The following ADAM22 variants were observed in gnomAD, a reference collection of about 807,000 sequenced individuals.
The protein encoded by ADAM22 is disintegrin and metalloproteinase domain-containing protein 22.
A neutral mutation model predicts 144.6 loss-of-function variants in ADAM22; 65 were observed. The observed-to-expected ratio is 0.45, with a 90% CI of 0.37 to 0.55. The LOEUF is 0.55. Ranked by LOEUF, ADAM22 falls within the 20% of genes least tolerant of loss-of-function variation. The pLI is 0.00. For missense variants in ADAM22, 974 were observed against 1,184.9 expected (o/e 0.82, Z 2.61); for synonymous variants, 391 against 412.6 (o/e 0.95, Z 0.63).
At chr7:87,997,185 A>G (rs1489555295) in intron 3 of ADAM22, among the ~76,000 whole-genome samples, 1 of 152,228 alleles carries the variant, frequency 6.6e-6, no homozygotes, top group African/African-American at 2.4e-5. Flanking sequence ...ATGTTTATTA[A>G]CTTGGTAAAC....
chr7:87,964,431 G>A (rs1308434530), intron 2 of ADAM22, among the ~76,000 whole-genome samples: 1 of 152,132 alleles, frequency 6.6e-6, no homozygotes, highest in Non-Finnish European at 1.5e-5. Context: ...TTAATGCTAA[G>A]GATTAGGTGA....
intron 2 of ADAM22, among the ~76,000 whole-genome samples, chr7:87,958,569 A>T (rs1245879223): frequency 1.3e-5 from 2 of 151,950 alleles, no homozygotes; most frequent in Non-Finnish European, 2.9e-5. Context: ...TATTTTTAGT[A>T]GAGATGGGGT....
In ADAM22 at chr7:88,189,283, A is replaced by T. The variant is rs74537659; in HGVS notation, c.2750+2582A>T. Among the ~76,000 whole-genome samples the T allele has an allele frequency of 2.8e-3, 426 of 152,306 alleles. 5 individuals carry two copies. The highest frequency in any genetic ancestry group is 9.6e-3 in the African/African-American group (401 of 41,572). ...GTTCTGTTATAAGCTCTCAGAAGGTAGCCTTACTCTCGGGTATTATCCCAT... is the reference window on the plus strand; with the variant it reads ...GTTCTGTTATAAGCTCTCAGAAGGTTGCCTTACTCTCGGGTATTATCCCAT... On this transcript the variant is annotated intron_variant, in intron 30 of 31. Transcript: ENST00000413139.
chr7:88,094,305 T>C (rs2129485482), intron 4 of ADAM22, among the ~76,000 whole-genome samples: 1 of 152,282 alleles, frequency 6.6e-6, no homozygotes, highest in Non-Finnish European at 1.5e-5. Flanking sequence ...GGAAATGATA[T>C]TATTTCCAAA....
At chr7:88,022,172 A>G (rs1430664864) in intron 3 of ADAM22, among the ~76,000 whole-genome samples, 3 of 152,080 alleles carry the variant, frequency 2.0e-5, no homozygotes, top group Admixed American at 6.6e-5. Context: ...CTAGGATTAC[A>G]GGCATGAACC....
intron 7 of ADAM22, among the ~76,000 whole-genome samples, chr7:88,120,219 G>T (rs1055570024): frequency 6.6e-6 from 1 of 151,840 alleles, no homozygotes. Flanking sequence ...GGGTACATGT[G>T]TACAACGTGC....
chr7:88,168,077 T>C, intron 24 of ADAM22, 60 bp from the exon 25 acceptor site: 6 of 1,437,030 alleles, frequency 4.2e-6, no homozygotes, highest in Non-Finnish European at 4.8e-6. Context: ...AACTGAACAA[T>C]AAAGTTTCTG....
intron 3 of ADAM22, among the ~76,000 whole-genome samples, chr7:88,068,030 A>G (rs1421034203): frequency 1.3e-5 from 2 of 152,194 alleles, no homozygotes; most frequent in African/African-American, 4.8e-5. Context: ...AATACCACTC[A>G]TTACATGCTG....
chr7:88,111,986 A>C (rs910345814), intron 5 of ADAM22, among the ~76,000 whole-genome samples: 4 of 152,220 alleles, frequency 2.6e-5, no homozygotes, highest in African/African-American at 9.6e-5. Context: ...TACTATTTTA[A>C]GAAAATAATC....
At chr7:88,126,784 A>C (rs1251720707) in intron 8 of ADAM22, among the ~76,000 whole-genome samples, 1 of 151,990 alleles carries the variant, frequency 6.6e-6, no homozygotes, top group Non-Finnish European at 1.5e-5. Context: ...TGGTGCTCAA[A>C]AAGTTTTTCA....
At chr7:88,078,894 G>A (rs1815560156) in intron 4 of ADAM22, among the ~76,000 whole-genome samples, 1 of 152,208 alleles carries the variant, frequency 6.6e-6, no homozygotes, top group Admixed American at 6.5e-5. Flanking sequence ...AAGTGACGGG[G>A]AGAATGGAAC....
chr7:88,076,106 C>T (rs1014504670), intron 4 of ADAM22, among the ~76,000 whole-genome samples: 42 of 152,168 alleles, frequency 2.8e-4, no homozygotes, highest in African/African-American at 8.7e-4. Context: ...AGCGCGATCT[C>T]GGCTCACTGC....
intron 3 of ADAM22, among the ~76,000 whole-genome samples, chr7:88,041,378 G>A (rs1803090301): frequency 6.6e-6 from 1 of 151,810 alleles, no homozygotes; most frequent in African/African-American, 2.4e-5. Flanking sequence ...TGGTGCCAAT[G>A]GAATGCTAGC....
At chr7:88,162,944 T>C (rs556904539) in intron 22 of ADAM22, 68 bp from the exon 23 acceptor site, 26 of 1,569,524 alleles carry the variant, frequency 1.7e-5, no homozygotes, top group Non-Finnish European at 2.2e-5. Context: ...TGCTTTTAAG[T>C]TTTTGAGCAT....
chr7:88,013,818 A>G (rs1164403376), intron 3 of ADAM22, among the ~76,000 whole-genome samples: 1 of 152,190 alleles, frequency 6.6e-6, no homozygotes, highest in Non-Finnish European at 1.5e-5. Flanking sequence ...TCCCACACTC[A>G]TGTTTCAACT....
rs949704611 is a variant in ADAM22, at chr7:88,197,568, G to C, written c.*1077G>C. ...AGACACATGAGACAACGTACTGCCAGTGAGCTGGTAGCTTCTGGTTTGCCA... is the reference window on the plus strand; with the variant it reads ...AGACACATGAGACAACGTACTGCCACTGAGCTGGTAGCTTCTGGTTTGCCA... On this transcript the variant is annotated 3_prime_UTR_variant, in exon 32 of 32. Transcript: ENST00000413139. 2.6e-5 allele frequency: 4 copies of C among 152,238 alleles called. No homozygotes were observed. The highest frequency in any genetic ancestry group is 1.5e-5 in the Non-Finnish European group (1 of 68,058). The allele number at this position is 152,238 out of a possible 1,614,324, so 9.4% of individuals were successfully genotyped here.
intron 3 of ADAM22, among the ~76,000 whole-genome samples, chr7:88,073,319 A>G (rs571871232): frequency 2.0e-4 from 30 of 152,286 alleles, no homozygotes; most frequent in Non-Finnish European, 4.0e-4. Flanking sequence ...TTTCTATAAG[A>G]TGGTGAGAAT....
intron 29 of ADAM22, chr7:88,186,390 A>G (rs1379705882): frequency 7.9e-6 from 4 of 505,986 alleles, no homozygotes; most frequent in Non-Finnish European, 1.4e-5. Context: ...CTTTCCCAGA[A>G]ATGTTGAATA....
chr7:88,091,903 A>G (rs1244173387), intron 4 of ADAM22, among the ~76,000 whole-genome samples: 2 of 152,142 alleles, frequency 1.3e-5, no homozygotes, highest in African/African-American at 4.8e-5. Context: ...AATTATTCCA[A>G]TATAAAATTT....
Sources: gnomAD v4.1 joint callset for allele counts (sites outside exome capture counted in the v4.1 genomes callset) on GRCh38, gnomAD v4.1.1 for gene constraint, MANE v1.5 for transcripts, NCBI Gene and HGNC (gene_info 2026-07-23, HGNC 2026-07-21) for gene names.